Variants in RIC8B observed in about 807,000 individuals in gnomAD.
RIC8B encodes chaperone Ric-8B.
A neutral mutation model predicts 57.5 loss-of-function variants in RIC8B; 16 were observed. The observed-to-expected ratio is 0.28, with a 90% CI of 0.19 to 0.42. The LOEUF (loss-of-function observed/expected upper bound fraction) is 0.42, where lower values mean the gene tolerates loss of function less well. RIC8B is among the 10% of genes least tolerant of loss of function. The pLI is 1.00. For synonymous variants in RIC8B, 216 were observed against 250.8 expected (o/e 0.86, Z 1.31); for missense variants, 481 against 677.0 (o/e 0.71, Z 3.21).
chr12:106,828,138 C>T (rs902651359), intron 4 of RIC8B, among the ~76,000 whole-genome samples: 1 of 152,136 alleles, frequency 6.6e-6, no homozygotes, highest in African/African-American at 2.4e-5. Flanking sequence ...AAAAACCTAT[C>T]GGCTTCACTG....
intron 1 of RIC8B, among the ~76,000 whole-genome samples, chr12:106,777,036 C>T (rs2043527755): frequency 6.6e-6 from 1 of 152,136 alleles, no homozygotes; most frequent in Non-Finnish European, 1.5e-5. Flanking sequence ...TTTTTAAATT[C>T]ATTTTTTGTA....
chr12:106,886,032 A>T lies in RIC8B; in HGVS notation c.*17A>T, dbSNP rs1180315136. On this transcript the variant is annotated 3_prime_UTR_variant, in exon 10 of 10. Coordinates refer to ENST00000392837, the MANE Select transcript of RIC8B (RefSeq NM_001330145.2). Reference sequence around the variant, plus strand: ...ACAGACTAAAAGCATCACCTGCTCAACTCTCAATATTGCTTTATCAGCATC... The same window carrying T: ...ACAGACTAAAAGCATCACCTGCTCATCTCTCAATATTGCTTTATCAGCATC... 1.3e-6 allele frequency: 2 copies of T among 1,506,940 alleles called. No individual in the cohort carries two copies. Among genetic ancestry groups the T allele is most frequent in the Non-Finnish European group, 9.2e-7 (1 of 1,083,090 alleles). 93.3% of individuals were successfully genotyped at this position (1,506,940 alleles called of 1,614,324 possible). A position where few individuals can be genotyped will look rare whatever the true frequency, so the allele number is the denominator to read the frequency against.
chr12:106,797,938 G>A, intron 2 of RIC8B: 3 of 662,856 alleles, frequency 4.5e-6, no homozygotes, highest in Non-Finnish European at 8.3e-6. Flanking sequence ...GACCTGTTGT[G>A]TAGTTTATGA....
chr12:106,856,343 A>T (rs867695522), intron 7 of RIC8B, among the ~76,000 whole-genome samples: 5 of 152,264 alleles, frequency 3.3e-5, no homozygotes, highest in South Asian at 4.1e-4. Flanking sequence ...CATGGTAAAA[A>T]CCAAATTTTA....
At chr12:106,840,017 C>A (rs1475473020) in intron 4 of RIC8B, among the ~76,000 whole-genome samples, 2 of 152,018 alleles carry the variant, frequency 1.3e-5, no homozygotes, top group Non-Finnish European at 2.9e-5. Context: ...ATCTCAAAAA[C>A]AATTTTTTTT....
intron 2 of RIC8B, among the ~76,000 whole-genome samples, chr12:106,813,544 G>A (rs1015083598): frequency 2.0e-5 from 3 of 152,070 alleles, no homozygotes; most frequent in African/African-American, 4.8e-5. Context: ...ATTATCTGCA[G>A]AGGGTTCTGG....
intron 1 of RIC8B, among the ~76,000 whole-genome samples, chr12:106,783,587 G>A (rs138420563): frequency 6.6e-6 from 1 of 152,280 alleles, no homozygotes; most frequent in East Asian, 1.9e-4. Flanking sequence ...CGTATGTCCT[G>A]TGTTCCAGTC....
chr12:106,798,064 G>T, intron 2 of RIC8B: 2 of 716,964 alleles, frequency 2.8e-6, no homozygotes, highest in Non-Finnish European at 5.2e-6. Flanking sequence ...GATCATGCTT[G>T]CCAGTGTAAG....
At chr12:106,813,743 T>C (rs1380481352) in intron 2 of RIC8B, among the ~76,000 whole-genome samples, 2 of 152,154 alleles carry the variant, frequency 1.3e-5, no homozygotes, top group Non-Finnish European at 2.9e-5. Context: ...ATATTGGTAA[T>C]AGTAGTTGTT....
intron 9 of RIC8B, among the ~76,000 whole-genome samples, chr12:106,875,401 T>C (rs1255370428): frequency 6.6e-6 from 1 of 152,116 alleles, no homozygotes; most frequent in Non-Finnish European, 1.5e-5. Flanking sequence ...GAATGGGAAT[T>C]GTGTAGTAAA....
Position 106,828,048 on chromosome 12 carries a change from T to G in RIC8B, c.836+2228T>G, listed in dbSNP as rs928380260. ...TAGAGGTTTTTAAAATAAAATTTTT[T>G]TAAAGAAGTCGTATTTATTTTCCTT... is the stretch of plus-strand genomic sequence containing the variant. On this transcript the variant is annotated intron_variant, in intron 4 of 9. Transcript: ENST00000392837. 7.9e-5 allele frequency among the ~76,000 whole-genome samples: 12 copies of G among 152,356 alleles called. 1 individual carries two copies. The South Asian group carries it at 2.5e-3, about 32-fold the overall frequency.
chr12:106,789,414 G>A (rs1377025481), intron 2 of RIC8B, among the ~76,000 whole-genome samples: 1 of 151,954 alleles, frequency 6.6e-6, no homozygotes, highest in Non-Finnish European at 1.5e-5. Flanking sequence ...CACTCTACTG[G>A]TACCAACTTA....
intron 2 of RIC8B, among the ~76,000 whole-genome samples, chr12:106,802,174 G>A (rs2044761852): frequency 6.6e-6 from 1 of 152,186 alleles, no homozygotes; most frequent in African/African-American, 2.4e-5. Context: ...TATGTATTGT[G>A]ATTTGTAATG....
At chr12:106,808,130 A>G (rs1422872514) in intron 2 of RIC8B, among the ~76,000 whole-genome samples, 1 of 152,038 alleles carries the variant, frequency 6.6e-6, no homozygotes, top group Non-Finnish European at 1.5e-5. Context: ...CAAAACAATG[A>G]TATAACAGTA....
At chr12:106,821,801 A>G (rs1423914675) in intron 3 of RIC8B, among the ~76,000 whole-genome samples, 1 of 152,092 alleles carries the variant, frequency 6.6e-6, no homozygotes, top group Non-Finnish European at 1.5e-5. Flanking sequence ...AAGGGCGTTC[A>G]GGTGCGGTGG....
chr12:106,798,022 T>C (rs938461407), intron 2 of RIC8B: 1 of 712,522 alleles, frequency 1.4e-6, no homozygotes, highest in Admixed American at 2.1e-5. Flanking sequence ...GCTTTGACAT[T>C]AAACTAGTTA....
At position 106,870,926 on chromosome 12, in the gene RIC8B, C is replaced by T; in HGVS notation, c.1555C>T (p.Leu519Phe). ...TGAAGCCATGAAACTTGTCAACATG[C>T]TTGATAAACTTTCCAGGTATTGTAT... ...EYEAMKLVNM[L>F]DKLSREELLK... Residue 519 changes from leucine (L) to phenylalanine (F), a missense_variant, in exon 9 of 10, where the codon CTT (leucine) becomes TTT (phenylalanine). By Grantham distance (22) the Leu-to-Phe change is conservative. Coordinates refer to ENST00000392837, the MANE Select transcript of RIC8B (RefSeq NM_001330145.2). 1 of 1,549,130 alleles carries T rather than the reference C, an allele frequency of 6.5e-7. No individual in the cohort carries two copies. Among genetic ancestry groups the T allele is most frequent in the Non-Finnish European group, 8.7e-7 (1 of 1,145,384 alleles).
intron 3 of RIC8B, among the ~76,000 whole-genome samples, chr12:106,816,091 T>G (rs2045563120): frequency 1.3e-5 from 2 of 152,166 alleles, no homozygotes; most frequent in African/African-American, 4.8e-5. Flanking sequence ...CTTTTTTCCC[T>G]CCTTCTAGAA....
intron 2 of RIC8B, among the ~76,000 whole-genome samples, chr12:106,803,852 G>A (rs1566058374): frequency 6.6e-6 from 1 of 152,040 alleles, no homozygotes; most frequent in Non-Finnish European, 1.5e-5. Flanking sequence ...TTTAATTATA[G>A]GTCTTGTTCT....
Sources: gnomAD v4.1 joint callset for allele counts (sites outside exome capture counted in the v4.1 genomes callset) on GRCh38, gnomAD v4.1.1 for gene constraint, MANE v1.5 for transcripts, NCBI Gene and HGNC (gene_info 2026-07-23, HGNC 2026-07-21) for gene names.